The following CDH18 variants were observed in gnomAD, a reference collection of about 807,000 sequenced individuals.
CDH18 encodes the protein cadherin-18.
In CDH18, 31 loss-of-function variants were observed where a neutral mutation model predicts 67.9. The ratio of observed to expected loss-of-function variants is 0.46; its 90% CI spans 0.34 to 0.62. The LOEUF (loss-of-function observed/expected upper bound fraction) is 0.62. Among genes scored for constraint, CDH18 ranks in the 20% least tolerant of loss-of-function variants. The pLI is 0.01. For synonymous variants in CDH18, 362 were observed against 347.2 expected, an observed-to-expected ratio of 1.04 and a Z score of -0.48; for missense variants, 890 against 975.5, an observed-to-expected ratio of 0.91 and a Z score of 1.17.
chr5:20,404,669 A>G (rs11747388), intron 1 of CDH18, among the ~76,000 whole-genome samples: 75,107 of 151,730 alleles, frequency 0.5, 19,551 homozygotes, highest in Middle Eastern at 0.61. Flanking sequence ...AAGACCAGGG[A>G]TCACAGATCA....
chr5:20,059,722 A>G (rs1376464828), intron 2 of CDH18, among the ~76,000 whole-genome samples: 1 of 152,254 alleles, frequency 6.6e-6, no homozygotes, highest in African/African-American at 2.4e-5. Flanking sequence ...CAAAATGCCC[A>G]TCAGTGACTG....
At chr5:19,627,528 A>T (rs961881696) in intron 5 of CDH18, among the ~76,000 whole-genome samples, 2 of 152,222 alleles carry the variant, frequency 1.3e-5, no homozygotes, top group African/African-American at 4.8e-5. Context: ...AGAGTTCAGT[A>T]AAAATCAATG....
At chr5:19,991,431 A>G (rs1453034550), upstream of CDH18, among the ~76,000 whole-genome samples, 1 of 152,188 alleles carries the variant, frequency 6.6e-6, no homozygotes, top group Non-Finnish European at 1.5e-5. Context: ...TAACATATCT[A>G]TCACCTCTAT....
chr5:19,590,479 C>CGGATAGATAGAT (rs1373167462), intron 7 of CDH18, among the ~76,000 whole-genome samples: 1 of 90,904 alleles, frequency 1.1e-5, no homozygotes. Flanking sequence ...AGTAGCTAGA[C>CGGATAGATAGAT]AGATGGATAG....
intron 2 of CDH18, among the ~76,000 whole-genome samples, chr5:19,923,128 G>T (rs372166631): frequency 6.6e-6 from 1 of 152,270 alleles, no homozygotes; most frequent in South Asian, 2.1e-4. Flanking sequence ...CCCTACTGCT[G>T]TCATATTGTA....
At chr5:20,237,551 TG>T (rs1742572600) in intron 2 of CDH18, among the ~76,000 whole-genome samples, 1 of 151,906 alleles carries the variant, frequency 6.6e-6, no homozygotes, top group Non-Finnish European at 1.5e-5. Context: ...CAAAATGTCT[TG>T]CCATTTATAA....
chr5:20,264,083 A>G (rs567379087), intron 1 of CDH18, among the ~76,000 whole-genome samples: 51 of 152,220 alleles, frequency 3.4e-4, no homozygotes, highest in African/African-American at 1.2e-3. Context: ...AATGCAATCA[A>G]TTCAAATTAT....
At chr5:20,572,166 T>G (rs1758853723) in intron 1 of CDH18, among the ~76,000 whole-genome samples, 1 of 152,078 alleles carries the variant, frequency 6.6e-6, no homozygotes, top group Admixed American at 6.6e-5. Flanking sequence ...TTTCTATGCC[T>G]GTGTGGATAG....
intron 5 of CDH18, among the ~76,000 whole-genome samples, chr5:19,684,606 C>T (rs1347659752): frequency 3.3e-5 from 5 of 150,792 alleles, no homozygotes; most frequent in Non-Finnish European, 5.9e-5. Flanking sequence ...TTAGAGTCTT[C>T]TACATTTTTT....
At chr5:19,903,526 ACT>A (rs1431784989) in intron 2 of CDH18, among the ~76,000 whole-genome samples, 17 of 71,822 alleles carry the variant, frequency 2.4e-4, no homozygotes, top group African/African-American at 7.1e-4. Flanking sequence ...CAAAATAATG[ACT>A]CTGTGTGTGT....
chr5:20,385,929 A>C (rs1744277740), intron 1 of CDH18, among the ~76,000 whole-genome samples: 1 of 152,226 alleles, frequency 6.6e-6, no homozygotes, highest in South Asian at 2.1e-4. Flanking sequence ...AAATACAGAA[A>C]CTATTACGAG....
At chr5:19,683,355 T>C (rs1224997926) in intron 5 of CDH18, among the ~76,000 whole-genome samples, 1 of 152,128 alleles carries the variant, frequency 6.6e-6, no homozygotes, top group Non-Finnish European at 1.5e-5. Flanking sequence ...TTGATTACTA[T>C]TGTCATCCAT....
intron 9 of CDH18, among the ~76,000 whole-genome samples, chr5:19,522,333 A>G (rs2126914149): frequency 6.6e-6 from 1 of 152,298 alleles, no homozygotes; most frequent in East Asian, 1.9e-4. Context: ...AAAGGAACCT[A>G]TGAATAAATC....
intron 1 of CDH18, among the ~76,000 whole-genome samples, chr5:20,296,184 C>T (rs1344895899): frequency 6.7e-6 from 1 of 149,174 alleles, no homozygotes; most frequent in East Asian, 2.1e-4. Flanking sequence ...GACAAATTTT[C>T]ATAATGGATT....
intron 2 of CDH18, among the ~76,000 whole-genome samples, chr5:20,204,633 T>C (rs1405717391): frequency 1.3e-5 from 2 of 151,988 alleles, no homozygotes; most frequent in African/African-American, 4.8e-5. Flanking sequence ...TGTAATTCAC[T>C]AATAACTGTA....
At chr5:20,534,538 T>C (rs1392423321) in intron 1 of CDH18, among the ~76,000 whole-genome samples, 1 of 152,086 alleles carries the variant, frequency 6.6e-6, no homozygotes, top group Non-Finnish European at 1.5e-5. Flanking sequence ...AAAGGTCACT[T>C]TTTTGTCTGT....
chr5:20,516,988 A>G (rs2126506230), intron 1 of CDH18, among the ~76,000 whole-genome samples: 1 of 152,124 alleles, frequency 6.6e-6, no homozygotes, highest in African/African-American at 2.4e-5. Context: ...AAATGCAATG[A>G]AAATCTATTT....
chr5:20,157,053 G>A (rs1751586591), intron 2 of CDH18, among the ~76,000 whole-genome samples: 1 of 152,180 alleles, frequency 6.6e-6, no homozygotes, highest in Non-Finnish European at 1.5e-5. Flanking sequence ...GTGTAACAGG[G>A]AGGTAGTGTA....
At chr5:19,621,446 T>C (rs940782476) in intron 5 of CDH18, among the ~76,000 whole-genome samples, 1 of 152,152 alleles carries the variant, frequency 6.6e-6, no homozygotes, top group African/African-American at 2.4e-5. Flanking sequence ...TTGTTGATTA[T>C]CTTTTTATAT....
Sources: allele counts gnomAD v4.1 joint callset (sites outside exome capture counted in the v4.1 genomes callset), GRCh38; gene constraint gnomAD v4.1.1; transcripts MANE v1.5; gene names NCBI Gene and HGNC (gene_info 2026-07-23, HGNC 2026-07-21).